PREX1: variants seen among roughly 807,000 people sequenced by gnomAD.
The protein encoded by PREX1 is phosphatidylinositol-3,4,5-trisphosphate dependent Rac exchange factor 1, also known as phosphatidylinositol 3,4,5-trisphosphate-dependent Rac exchanger 1 protein.
In PREX1, 41 loss-of-function variants were observed where a neutral mutation model predicts 198.3. That is an observed-to-expected ratio of 0.21 (90% CI 0.16 to 0.27). The LOEUF is 0.27. PREX1 is among the 10% of genes least tolerant of loss of function. The pLI is 1.00. For missense variants in PREX1, 1,620 were observed against 2,200.7 expected (o/e 0.74, Z 5.28); for synonymous variants, 843 against 887.2 (o/e 0.95, Z 0.89).
intron 17 of PREX1, among the ~76,000 whole-genome samples, chr20:48,657,919 C>T (rs761808592): frequency 6.6e-6 from 1 of 152,206 alleles, no homozygotes; most frequent in Non-Finnish European, 1.5e-5. Context: ...TGGAACACAC[C>T]AGGAGCACAG....
intron 1 of PREX1, among the ~76,000 whole-genome samples, chr20:48,749,520 G>A (rs1039545194): frequency 3.9e-5 from 6 of 152,194 alleles, no homozygotes; most frequent in South Asian, 4.1e-4. Context: ...CAGGGGAAGC[G>A]GAGCAGGTAA....
At position 48,666,524 on chromosome 20, in the gene PREX1, A is replaced by T. The variant is rs772972622; in HGVS notation, c.1666-169T>A. The stretch of plus-strand genomic sequence containing the variant: ...AACGGGTTTGTGATTATTATTTTTT[A>T]TTATTATTATTATTTTTTTGAGACA... On this transcript the variant is annotated intron_variant, in intron 14 of 39. Coordinates refer to ENST00000371941, the MANE Select transcript of PREX1 (RefSeq NM_020820.4). This position sits in a 1 kb window ranked among gnomAD's most constrained non-coding sequence, Gnocchi z 4.3. 8.5e-6 allele frequency among the ~76,000 whole-genome samples: 1 copy of T among 117,208 alleles called. No individual in the cohort carries two copies. The highest frequency in any genetic ancestry group is 3.5e-5 in the African/African-American group (1 of 28,972). The allele number at this position is 117,208 out of a possible 152,430, so 76.9% of individuals were successfully genotyped here.
intron 1 of PREX1, among the ~76,000 whole-genome samples, chr20:48,773,266 CAAAAAAAAAAAAAA>C (rs55740822): frequency 6.1e-5 from 4 of 65,880 alleles, no homozygotes; most frequent in African/African-American, 2.0e-4. Flanking sequence ...GACTTGGTCT[CAAAAAAAAAAAAAA>C]AAAAAAAAAA....
At chr20:48,695,425 G>C (rs1324836681) in intron 7 of PREX1, among the ~76,000 whole-genome samples, 1 of 152,180 alleles carries the variant, frequency 6.6e-6, no homozygotes, top group Non-Finnish European at 1.5e-5. Flanking sequence ...CATTTCTTTG[G>C]GTTAGATACC....
In PREX1 at chr20:48,651,019, C is replaced by T. The variant is rs146651491; in HGVS notation, c.2692G>A (p.Val898Met). 9.3e-6 allele frequency: 15 copies of T among 1,614,042 alleles called. No individual in the cohort carries two copies. In the Admixed American group the frequency reaches 1.0e-4, roughly 11 times the overall value. ...GCCATGAGCCGCCTGCAGTTCTCCA[C>T]GAAGACGCTGTCATTGGCAGCAAAG... The part of the protein sequence containing the change: ...EAFAANDSVF[V>M]ENCRRLMALS... Residue 898 changes from valine to methionine, a missense_variant, in exon 23 of 40, where the codon GTG (valine) becomes ATG (methionine). Val to Met is a conservative substitution (Grantham distance 21). Coordinates refer to ENST00000371941, the MANE Select transcript of PREX1 (RefSeq NM_020820.4).
At chr20:48,822,638 C>T (rs1426720214) in intron 1 of PREX1, among the ~76,000 whole-genome samples, 2 of 152,168 alleles carry the variant, frequency 1.3e-5, no homozygotes, top group African/African-American at 2.4e-5. Context: ...TATTCGCATA[C>T]ATATGCATAA....
chr20:48,661,444 A>AAAAAAAAAATAAATATATATAT (rs1555832820), intron 15 of PREX1, among the ~76,000 whole-genome samples: 1 of 49,596 alleles, frequency 2.0e-5, no homozygotes, highest in Non-Finnish European at 3.1e-5. Flanking sequence ...AAAAAAAAAA[A>AAAAAAAAAATAAATATATATAT]ATATATATAT....
At chr20:48,657,262 A>T (rs759327621) in intron 17 of PREX1, 74 bp from the exon 18 acceptor site, 11 of 1,530,602 alleles carry the variant, frequency 7.2e-6, no homozygotes, top group Non-Finnish European at 9.8e-6. Context: ...AGGAAGCTCA[A>T]ATGTGTTCAG....
intron 10 of PREX1, among the ~76,000 whole-genome samples, chr20:48,685,021 T>C (rs991794444): frequency 6.6e-6 from 1 of 152,250 alleles, no homozygotes; most frequent in Non-Finnish European, 1.5e-5. Context: ...CCCCATTTCC[T>C]CTTGTCCTGA....
chr20:48,641,176 T>C (rs1393013172), intron 29 of PREX1, among the ~76,000 whole-genome samples: 1 of 152,214 alleles, frequency 6.6e-6, no homozygotes, highest in Non-Finnish European at 1.5e-5. Context: ...TTTCTCTCAA[T>C]CATTTCAAGA....
chr20:48,860,355 A>G, the PREX1 span, among the ~76,000 whole-genome samples: 1 of 152,232 alleles, frequency 6.6e-6, no homozygotes, highest in African/African-American at 2.4e-5. Context: ...GTAGAATGGC[A>G]GTTGCCAGGG....
chr20:48,867,574 A>T, the PREX1 span, among the ~76,000 whole-genome samples: 2 of 152,188 alleles, frequency 1.3e-5, no homozygotes, highest in Non-Finnish European at 2.9e-5. Context: ...GCCACTTTTT[A>T]AAAATAATTG....
chr20:48,665,727 GGT>G (rs1247163714), intron 15 of PREX1, among the ~76,000 whole-genome samples: 3 of 152,170 alleles, frequency 2.0e-5, no homozygotes, highest in African/African-American at 7.2e-5. Flanking sequence ...AATTTAAACC[GGT>G]GTCCATGGAG....
At chr20:48,649,146 A>C (rs1345998381) in intron 25 of PREX1, among the ~76,000 whole-genome samples, 154 bp downstream of exon 25, 3 of 152,150 alleles carry the variant, frequency 2.0e-5, no homozygotes, top group African/African-American at 7.2e-5. Context: ...ACTGGCAGCT[A>C]GTGGATAGAC....
At chr20:48,769,043 C>G (rs1332276460) in intron 1 of PREX1, among the ~76,000 whole-genome samples, 2 of 152,124 alleles carry the variant, frequency 1.3e-5, no homozygotes, top group African/African-American at 4.8e-5. Context: ...GGCTCAAGCC[C>G]TGAGGGCCAA....
intron 1 of PREX1, among the ~76,000 whole-genome samples, chr20:48,820,134 A>C (rs2090478206): frequency 6.6e-6 from 1 of 152,246 alleles, no homozygotes. Flanking sequence ...TGAGTGTCTG[A>C]CCACAAGACA....
At chr20:48,770,093 C>A (rs890522057) in intron 1 of PREX1, among the ~76,000 whole-genome samples, 1 of 152,190 alleles carries the variant, frequency 6.6e-6, no homozygotes, top group African/African-American at 2.4e-5. Context: ...GCTATCTTTA[C>A]CAATTAAAAA....
At chr20:48,886,715 C>A in the PREX1 span, among the ~76,000 whole-genome samples, 1 of 152,228 alleles carries the variant, frequency 6.6e-6, no homozygotes, top group Admixed American at 6.5e-5. Flanking sequence ...CTCTTCTTAG[C>A]TTTTACAAAC....
In PREX1 at chr20:48,758,314, C is replaced by T. The variant is rs374290217; in HGVS notation, c.220-10434G>A. Among the ~76,000 whole-genome samples the T allele has an allele frequency of 7.2e-5, 11 of 152,196 alleles. No individual in the cohort carries two copies. The East Asian group carries it at 1.7e-3, about 24-fold the overall frequency. On this transcript the variant is annotated intron_variant, in intron 1 of 39. Coordinates refer to ENST00000371941, the MANE Select transcript of PREX1 (RefSeq NM_020820.4). Reference sequence around the variant, plus strand: ...TGGGGGTGATCCTGGCACTCCCCATCTTCCCTGAAAGTGACAGAGCAGCTC... The same window carrying T: ...TGGGGGTGATCCTGGCACTCCCCATTTTCCCTGAAAGTGACAGAGCAGCTC...
Sources: allele counts gnomAD v4.1 joint callset (sites outside exome capture counted in the v4.1 genomes callset), GRCh38; gene constraint gnomAD v4.1.1; non-coding constraint Gnocchi (gnomAD v3.1); transcripts MANE v1.5; gene names NCBI Gene and HGNC (gene_info 2026-07-23, HGNC 2026-07-21).